The following ARHGEF11 variants were observed in gnomAD, a reference collection of about 807,000 sequenced individuals.
The protein encoded by ARHGEF11 is Rho guanine nucleotide exchange factor 11.
A neutral mutation model predicts 193.7 loss-of-function variants in ARHGEF11; 55 were observed. That is an observed-to-expected ratio of 0.28 (90% CI 0.23 to 0.36). The LOEUF is 0.36. Among genes scored for constraint, ARHGEF11 ranks in the 10% least tolerant of loss-of-function variants. The pLI is 1.00. For synonymous variants in ARHGEF11, 693 were observed against 768.0 expected (o/e 0.90, Z 1.62); for missense variants, 1,723 against 2,005.6 (o/e 0.86, Z 2.69).
intron 1 of ARHGEF11, among the ~76,000 whole-genome samples, chr1:157,027,817 T>C (rs1670831306): frequency 6.6e-6 from 1 of 152,118 alleles, no homozygotes; most frequent in Non-Finnish European, 1.5e-5. Flanking sequence ...CCTCTGCAAA[T>C]GTCTTGCGAT....
intron 38 of ARHGEF11, among the ~76,000 whole-genome samples, chr1:156,938,099 T>C (rs1655903694): frequency 6.6e-6 from 1 of 152,154 alleles, no homozygotes; most frequent in African/African-American, 2.4e-5. Context: ...GGGAAGTGGC[T>C]GCTTGCATAT....
chr1:157,021,728 T>G (rs1670011307), intron 1 of ARHGEF11, among the ~76,000 whole-genome samples: 1 of 152,226 alleles, frequency 6.6e-6, no homozygotes, highest in African/African-American at 2.4e-5. Flanking sequence ...ATGCCTCAGT[T>G]TCTTCATATG....
chr1:156,976,855 T>G, intron 7 of ARHGEF11, 128 bp downstream of exon 7: 38 of 823,324 alleles, frequency 4.6e-5, no homozygotes, highest in Middle Eastern at 2.9e-4. Flanking sequence ...GTCCGGAAGT[T>G]TTATTTTTTG....
intron 13 of ARHGEF11, among the ~76,000 whole-genome samples, chr1:156,962,878 CAAAAAAAAAAAAAAAA>C (rs59159449): frequency 1.4e-4 from 3 of 21,272 alleles, no homozygotes; most frequent in Non-Finnish European, 2.7e-4. Context: ...GACTCCGTCT[CAAAAAAAAAAAAAAAA>C]AAAAAAAAAA....
rs1273688676 is a variant in ARHGEF11, at chr1:156,940,246, G to C, written c.3694C>G (p.Leu1232Val). The part of the protein sequence containing the change: ...NPIHLAFPGP[L>V]FMEGLADSAL... ...GAGTCAGCGAGCCCTTCCATGAACA[G>C]AGGGCCTGGGAAGGCCAAGTGGATG... Residue 1232 changes from leucine to valine, a missense_variant, in exon 36 of 41, where the codon CTG (leucine) becomes GTG (valine). Physicochemically the swap from Leu to Val is conservative, Grantham distance 32. Transcript: ENST00000368194. 1 of 1,606,384 alleles carries C rather than the reference G, an allele frequency of 6.2e-7. No homozygotes were observed. The highest frequency in any genetic ancestry group is 1.3e-5 in the African/African-American group (1 of 74,960).
chr1:156,963,844 G>C, intron 11 of ARHGEF11: 1 of 1,158,470 alleles, frequency 8.6e-7, no homozygotes, highest in Admixed American at 3.8e-5. Flanking sequence ...ATGAAGATGG[G>C]AAGTAGGAGA....
At chr1:157,014,513 T>A (rs1429719618) in intron 1 of ARHGEF11, among the ~76,000 whole-genome samples, 3 of 152,100 alleles carry the variant, frequency 2.0e-5, no homozygotes, top group Non-Finnish European at 4.4e-5. Flanking sequence ...GCTAAAGTGA[T>A]CCAATTCTCT....
At chr1:157,006,137 A>ATT (rs955931318) in intron 1 of ARHGEF11, among the ~76,000 whole-genome samples, 1 of 146,782 alleles carries the variant, frequency 6.8e-6, no homozygotes, top group Non-Finnish European at 1.5e-5. Flanking sequence ...TCACAAATCT[A>ATT]TTTTTTTTTT....
chr1:156,988,483 G>C (rs563682981), intron 1 of ARHGEF11, among the ~76,000 whole-genome samples: 1 of 152,182 alleles, frequency 6.6e-6, no homozygotes, highest in East Asian at 1.9e-4. Flanking sequence ...TCTTATCTTG[G>C]GACACCTCGG....
intron 8 of ARHGEF11, among the ~76,000 whole-genome samples, chr1:156,970,826 ACTTGCC>A (rs1662391381): frequency 6.6e-6 from 1 of 152,188 alleles, no homozygotes; most frequent in Admixed American, 6.5e-5. Context: ...GGATTAATTA[ACTTGCC>A]CAAGAGTCTT....
intron 22 of ARHGEF11, among the ~76,000 whole-genome samples, chr1:156,950,366 G>C (rs570056541): frequency 1.3e-5 from 2 of 152,364 alleles, no homozygotes; most frequent in East Asian, 3.9e-4. Flanking sequence ...GCCAGGTGCA[G>C]TGGCTCATGC....
At chr1:156,971,589 T>C (rs1003087410) in intron 8 of ARHGEF11, 108 bp downstream of exon 8, 2 of 1,413,814 alleles carry the variant, frequency 1.4e-6, no homozygotes, top group African/African-American at 1.4e-5. Flanking sequence ...TAGTTCAGCC[T>C]TGAGGTCCTG....
chr1:156,943,507 T>C (rs1466541238), intron 32 of ARHGEF11, among the ~76,000 whole-genome samples: 2 of 152,234 alleles, frequency 1.3e-5, no homozygotes, highest in African/African-American at 2.4e-5. Flanking sequence ...ACACTTCTCA[T>C]TGAAATGTCC....
intron 1 of ARHGEF11, among the ~76,000 whole-genome samples, chr1:156,999,393 G>A (rs775770930): frequency 2.6e-5 from 4 of 152,158 alleles, no homozygotes; most frequent in South Asian, 4.2e-4. Flanking sequence ...TCCCCACGAC[G>A]AGGGAGCTGA....
At position 156,978,626 on chromosome 1, in the gene ARHGEF11, C is replaced by T. The variant is rs527580235; in HGVS notation, c.332-244G>A. 9.9e-4 allele frequency among the ~76,000 whole-genome samples: 151 copies of T among 152,318 alleles called. 1 individual carries two copies. The highest frequency in any genetic ancestry group is 3.5e-3 in the African/African-American group (144 of 41,558). ...TTCCACTCATAAATATCTGGGAACA[C>T]GCCCCACAGGCTGCCTCAGCAGCCT... On this transcript the variant is annotated intron_variant, in intron 5 of 40. Transcript: ENST00000368194.
Position 156,936,143 on chromosome 1 carries a change from A to G in ARHGEF11, c.4631-85T>C, listed in dbSNP as rs752299183. On this transcript the variant is annotated intron_variant, in intron 40 of 40. Coordinates refer to ENST00000368194, the MANE Select transcript of ARHGEF11 (RefSeq NM_198236.3). The stretch of plus-strand genomic sequence containing the variant: ...TTTGTCTAGAAAGTTCAGGCTCACG[A>G]GAACAGATCCTTCATCACCTTCCTT... 18 of 1,359,402 alleles carry G rather than the reference A, an allele frequency of 1.3e-5. No individual in the cohort carries two copies. The East Asian group carries it at 4.1e-4, about 31-fold the overall frequency. The allele number at this position is 1,359,402 out of a possible 1,614,324, so 84.2% of individuals were successfully genotyped here.
intron 9 of ARHGEF11, among the ~76,000 whole-genome samples, chr1:156,969,577 C>A (rs1662228304): frequency 6.6e-6 from 1 of 152,214 alleles, no homozygotes. Context: ...CCTGTCTATG[C>A]ACCTGGGCAC....
rs548386961 is a variant in ARHGEF11 at position 156,983,466 on chromosome 1, C to T, written c.223+873G>A. 4.5e-4 allele frequency among the ~76,000 whole-genome samples: 68 copies of T among 152,200 alleles called. 1 individual carries two copies. Among genetic ancestry groups the T allele is most frequent in the South Asian group, 2.1e-4 (1 of 4,834 alleles). On this transcript the variant is annotated intron_variant, in intron 3 of 40. Coordinates refer to ENST00000368194, the MANE Select transcript of ARHGEF11 (RefSeq NM_198236.3). The stretch of plus-strand genomic sequence containing the variant: ...CTCGATCTCCTGACCTCGTGATCCG[C>T]GAGCCTCGGCCTCCCATAGTGCTGA...
At chr1:156,947,043 T>C (rs1349743941) in intron 26 of ARHGEF11, 28 bp from the exon 27 acceptor site, 1 of 1,613,488 alleles carries the variant, frequency 6.2e-7, no homozygotes, top group Admixed American at 1.7e-5. Context: ...CAAATAGAAA[T>C]GCCTGGGGTT....
Sources: gnomAD v4.1 joint callset for allele counts (sites outside exome capture counted in the v4.1 genomes callset) on GRCh38, gnomAD v4.1.1 for gene constraint, MANE v1.5 for transcripts, NCBI Gene and HGNC (gene_info 2026-07-23, HGNC 2026-07-21) for gene names.